SRI: variants seen among roughly 807,000 people sequenced by gnomAD.
SRI encodes sorcin.
Under a neutral mutation model 33.3 loss-of-function variants are expected in SRI, and 30 were observed. The ratio of observed to expected loss-of-function variants is 0.90; its 90% CI spans 0.67 to 1.22. The LOEUF is 1.22. Among genes scored for constraint, SRI ranks in the 50% most tolerant of loss-of-function variants. The pLI, the probability that SRI is intolerant of heterozygous loss-of-function variation, is 0.00. For synonymous variants in SRI, 75 were observed against 89.9 expected, an observed-to-expected ratio of 0.83 and a Z score of 0.94; for missense variants, 243 against 250.8, an observed-to-expected ratio of 0.97 and a Z score of 0.21.
intron 1 of SRI, 56 bp from the exon 2 acceptor site, chr7:88,218,998 A>T (rs1851808241): frequency 6.6e-7 from 1 of 1,519,610 alleles, no homozygotes; most frequent in Non-Finnish European, 9.1e-7. Flanking sequence ...TTCTTCTTTC[A>T]CCACTGAGGG....
intron 1 of SRI, among the ~76,000 whole-genome samples, chr7:88,225,192 G>A (rs891950574): frequency 6.6e-6 from 1 of 152,188 alleles, no homozygotes; most frequent in African/African-American, 2.4e-5. Flanking sequence ...CCTTAATGAA[G>A]CTCTGAGCTG....
rs200699637 is a variant in SRI, at chr7:88,218,910, G to A, written c.84C>T (p.Pro28=). Residue 28 remains proline, a synonymous_variant, in exon 2 of 8, where the codon CCC becomes CCT. Transcript: ENST00000265729. The stretch of plus-strand genomic sequence containing the variant: ...CATACAGCGGATCCTGAGTTTGTCC[G>A]GGAAACGCAGGCCCTCCGGGAGCCC... ...YGGAPGGPAF[P]GQTQDPLYGY... 7.4e-6 allele frequency: 12 copies of A among 1,613,956 alleles called. No individual in the cohort carries two copies. The Admixed American group carries it at 1.7e-4, about 22-fold the overall frequency.
upstream of SRI, among the ~76,000 whole-genome samples, chr7:88,224,643 T>C (rs1429759900): frequency 1.3e-5 from 2 of 150,632 alleles, no homozygotes; most frequent in Non-Finnish European, 3.0e-5. Context: ...TGATGTTCAT[T>C]TGGGAATAAA....
In SRI at chr7:88,205,749, A is replaced by G. The variant is rs370982614; in HGVS notation, c.*729T>C. The G allele has an allele frequency of 1.9e-4, 29 of 152,376 alleles. No individual in the cohort carries two copies. The highest frequency in any genetic ancestry group is 6.5e-4 in the African/African-American group (27 of 41,598). The allele number at this position is 152,376 out of a possible 1,614,324, so 9.4% of individuals were successfully genotyped here. On this transcript the variant is annotated 3_prime_UTR_variant, in exon 8 of 8. Transcript: ENST00000265729. The stretch of plus-strand genomic sequence containing the variant: ...AAAAGGAAAGCATATAGAAAATCTG[A>G]AAAATACTGATATAAAGAAAATTAA...
At chr7:88,206,624 T>C in intron 7 of SRI, 120 bp from the exon 8 acceptor site, 2 of 1,071,486 alleles carry the variant, frequency 1.9e-6, no homozygotes, top group East Asian at 2.4e-5. Flanking sequence ...CCTACAACTT[T>C]CTAAGATATG....
intron 7 of SRI, among the ~76,000 whole-genome samples, chr7:88,207,510 TGTTTG>T (rs1320950335): frequency 3.2e-5 from 3 of 92,544 alleles, no homozygotes; most frequent in African/African-American, 2.0e-4. Context: ...CAAGTTTTTT[TGTTTG>T]TTTGTTTTTT....
At chr7:88,225,266 A>G (rs1327330673) in intron 1 of SRI, among the ~76,000 whole-genome samples, 1 of 152,222 alleles carries the variant, frequency 6.6e-6, no homozygotes, top group African/African-American at 2.4e-5. Context: ...CTAAATATAT[A>G]TGCCTATATA....
chr7:88,224,986 G>A (rs1003215162), upstream of SRI, among the ~76,000 whole-genome samples: 1 of 152,196 alleles, frequency 6.6e-6, no homozygotes, highest in Admixed American at 6.5e-5. Flanking sequence ...AACAGCACAG[G>A]GACCCTTTCA....
chr7:88,206,370 A>T lies in SRI; in HGVS notation c.*108T>A. 1 of 1,276,326 alleles carries T rather than the reference A, an allele frequency of 7.8e-7. No individual in the cohort carries two copies. The highest frequency in any genetic ancestry group is 1.1e-6 in the Non-Finnish European group (1 of 872,810). 79.1% of individuals were successfully genotyped at this position (1,276,326 alleles called of 1,614,324 possible). A position where few individuals can be genotyped will look rare whatever the true frequency, so the allele number is the denominator to read the frequency against. On this transcript the variant is annotated 3_prime_UTR_variant, in exon 8 of 8. Coordinates refer to ENST00000265729, the MANE Select transcript of SRI (RefSeq NM_003130.4). Reference sequence around the variant, plus strand: ...AGTAATAAACTTTACAACAGCTGTTAAGAGAAAGTCGTGATGTAAGTTTAT... The same window carrying T: ...AGTAATAAACTTTACAACAGCTGTTTAGAGAAAGTCGTGATGTAAGTTTAT...
chr7:88,215,292 C>A (rs1851679790), intron 3 of SRI, among the ~76,000 whole-genome samples: 1 of 152,160 alleles, frequency 6.6e-6, no homozygotes, highest in South Asian at 2.1e-4. Flanking sequence ...TGATCTAAGG[C>A]CATCACTAAA....
chr7:88,226,485 A>C (rs1420383775), intron 1 of SRI, among the ~76,000 whole-genome samples: 1 of 152,180 alleles, frequency 6.6e-6, no homozygotes, highest in East Asian at 1.9e-4. Flanking sequence ...CCATCTGTTC[A>C]ATAAGCTGGG....
intron 2 of SRI, 129 bp downstream of exon 2, chr7:88,218,730 C>CTTTTTT: frequency 7.7e-6 from 6 of 782,564 alleles, no homozygotes; most frequent in East Asian, 2.8e-5. Flanking sequence ...TAAGAAACAA[C>CTTTTTT]TTTTTTTTTC....
At chr7:88,223,550 T>C (rs570695419), upstream of SRI, among the ~76,000 whole-genome samples, 1 of 152,356 alleles carries the variant, frequency 6.6e-6, no homozygotes, top group African/African-American at 2.4e-5. Context: ...CACTCAACTC[T>C]GCTGTGTAGG....
rs1231872335 is a variant in SRI, at chr7:88,206,219, T to C, written c.*259A>G. 1.9e-6 allele frequency: 1 copy of C among 526,964 alleles called. No individual in the cohort carries two copies. The highest frequency in any genetic ancestry group is 3.4e-6 in the Non-Finnish European group (1 of 294,108). The allele number at this position is 526,964 out of a possible 1,614,324, so 32.6% of individuals were successfully genotyped here. On this transcript the variant is annotated 3_prime_UTR_variant, in exon 8 of 8. Transcript: ENST00000265729. ...GCATACTTAAATTTACATAGAGTTTTAGCAAGAAAATAAGGCATGACTGAT... is the reference window on the plus strand; with the variant it reads ...GCATACTTAAATTTACATAGAGTTTCAGCAAGAAAATAAGGCATGACTGAT...
At chr7:88,226,804 C>G in intron 1 of SRI, 1 of 1,218,950 alleles carries the variant, frequency 8.2e-7, no homozygotes, top group South Asian at 1.6e-5. Flanking sequence ...ACCCATGGAT[C>G]AGTAGAACTA....
At chr7:88,210,335 A>G (rs1851545138) in intron 4 of SRI, 4 of 613,938 alleles carry the variant, frequency 6.5e-6, no homozygotes, top group East Asian at 3.0e-5. Flanking sequence ...TGGGGAAAAG[A>G]TAACTTACAT....
intron 1 of SRI, among the ~76,000 whole-genome samples, chr7:88,219,643 A>C (rs1332278511): frequency 1.5e-4 from 2 of 13,540 alleles, no homozygotes; most frequent in Non-Finnish European, 2.8e-4. Context: ...GCAACCAAGA[A>C]GGCGGGGGTG....
At chr7:88,217,041 T>C (rs1351557079) in intron 3 of SRI, 81 bp downstream of exon 3, 2 of 1,296,618 alleles carry the variant, frequency 1.5e-6, no homozygotes, top group Middle Eastern at 3.7e-4. Flanking sequence ...CTCAGTTTTC[T>C]TGAAGGCTGT....
Position 88,218,911 on chromosome 7 carries a change from G to A in SRI, c.83C>T (p.Pro28Leu). 6.2e-7 allele frequency: 1 copy of A among 1,614,020 alleles called. No homozygotes were observed. The highest frequency in any genetic ancestry group is 1.7e-5 in the Admixed American group (1 of 60,010). ...YGGAPGGPAFPGQTQDPLYGY... is the reference protein window; with the variant it reads ...YGGAPGGPAFLGQTQDPLYGY... ...ATACAGCGGATCCTGAGTTTGTCCG[G>A]GAAACGCAGGCCCTCCGGGAGCCCC... The change falls in exon 2 of 8, where the codon CCC becomes CTC. Residue 28 changes from proline to leucine, a missense_variant. Physicochemically the swap from Pro to Leu is moderately conservative, Grantham distance 98 (BLOSUM62 -3). Transcript: ENST00000265729.
Sources: gnomAD v4.1 joint callset for allele counts (sites outside exome capture counted in the v4.1 genomes callset) on GRCh38, gnomAD v4.1.1 for gene constraint, MANE v1.5 for transcripts, NCBI Gene and HGNC (gene_info 2026-07-23, HGNC 2026-07-21) for gene names.